The following NLRC3 variants were observed in gnomAD, a reference collection of about 807,000 sequenced individuals.
The protein encoded by NLRC3 is NLR family CARD domain containing 3.
Under a neutral mutation model 91.6 loss-of-function variants are expected in NLRC3, and 87 were observed. The ratio of observed to expected loss-of-function variants is 0.95; its 90% CI spans 0.80 to 1.14. NLRC3 has a LOEUF of 1.14. Ranked by LOEUF, NLRC3 falls within the 50% of genes most tolerant of loss-of-function variation. The pLI, the probability that NLRC3 is intolerant of heterozygous loss-of-function variation, is 0.00. For missense variants in NLRC3, 1,577 were observed against 1,418.6 expected, an observed-to-expected ratio of 1.11 and a Z score of -1.79; for synonymous variants, 694 against 625.3, an observed-to-expected ratio of 1.11 and a Z score of -1.64.
chr16:3,564,700 C>T lies in NLRC3; in HGVS notation c.237G>A (p.Glu79=). The change falls in exon 5 of 20, where the codon GAG becomes GAA. Residue 79 remains glutamate (E), a synonymous_variant. Transcript: ENST00000359128. The surrounding 1 kb of genome is among the most constrained non-coding windows in gnomAD (Gnocchi z 5.9). ...ALLSKVGGGP[E]LGGPWHRLAS... ...CCAGCCTGTGCCAGGGTCCGCCCAG[C>T]TCCGGGCCACCTCCCACCTTGCTCA... is the stretch of plus-strand genomic sequence containing the variant. 6.3e-7 allele frequency: 1 copy of T among 1,598,520 alleles called. No homozygotes were observed. Among genetic ancestry groups the T allele is most frequent in the Non-Finnish European group, 8.5e-7 (1 of 1,177,788 alleles).
chr16:3,541,786 G>C lies in NLRC3; in HGVS notation c.*39C>G, dbSNP rs2038406896. Reference sequence around the variant, plus strand: ...CGGCCTTTCTGTTCAAAAGCTTCCAGCTGAGCATCTGCCCATTCTCCTGAT... The same window carrying C: ...CGGCCTTTCTGTTCAAAAGCTTCCACCTGAGCATCTGCCCATTCTCCTGAT... On this transcript the variant is annotated 3_prime_UTR_variant, in exon 20 of 20. Coordinates refer to ENST00000359128, the MANE Select transcript of NLRC3 (RefSeq NM_178844.4). 2 of 1,396,914 alleles carry C rather than the reference G, an allele frequency of 1.4e-6. No homozygotes were observed. The highest frequency in any genetic ancestry group is 2.0e-6 in the Non-Finnish European group (2 of 989,990). 86.5% of individuals were successfully genotyped at this position (1,396,914 alleles called of 1,614,324 possible).
At position 3,577,381 on chromosome 16, in the gene NLRC3, C is replaced by T; in HGVS notation, c.-401G>A. 1.7e-6 allele frequency: 1 copy of T among 574,102 alleles called. No homozygotes were observed. The highest frequency in any genetic ancestry group is 3.2e-5 in the Admixed American group (1 of 31,730). The allele number at this position is 574,102 out of a possible 1,614,324, so 35.6% of individuals were successfully genotyped here. A position where few individuals can be genotyped will look rare whatever the true frequency, so the allele number is the denominator to read the frequency against. ...CCGACCTTCTGCAGCCCCACCGAGC[C>T]CACCGGCTGTCCCTGTGGCTCCGGG... On this transcript the variant is annotated 5_prime_UTR_variant, in exon 1 of 20. Transcript: ENST00000359128.
At chr16:3,576,897 T>G (rs1423665797) in intron 1 of NLRC3, among the ~76,000 whole-genome samples, 2 of 152,206 alleles carry the variant, frequency 1.3e-5, no homozygotes, top group African/African-American at 4.8e-5. Context: ...CTCAAAGTCC[T>G]GACCTCAAGT....
At chr16:3,574,915 T>G (rs1282699605) in intron 1 of NLRC3, among the ~76,000 whole-genome samples, 1 of 152,068 alleles carries the variant, frequency 6.6e-6, no homozygotes, top group Non-Finnish European at 1.5e-5. Context: ...TGAGCCAAGA[T>G]CACGCCACTG....
chr16:3,549,930 C>A lies in NLRC3; in HGVS notation c.2436-150G>T, dbSNP rs916322233. On this transcript the variant is annotated intron_variant, in intron 11 of 19. Transcript: ENST00000359128. ...CCACACTGCTTCTCTTCTCATCTCT[C>A]TTTCCTCTCCCAGCCCCCCACCTTC... The A allele has an allele frequency of 2.3e-5, 14 of 605,900 alleles. No individual in the cohort carries two copies. In the Admixed American group the frequency reaches 3.5e-4, roughly 15 times the overall value. 37.5% of individuals were successfully genotyped at this position (605,900 alleles called of 1,614,324 possible).
intron 10 of NLRC3, among the ~76,000 whole-genome samples, chr16:3,551,825 A>G (rs988921048): frequency 6.6e-6 from 1 of 150,694 alleles, no homozygotes; most frequent in African/African-American, 2.4e-5. Flanking sequence ...CCATCCATCC[A>G]TCCATCCATC....
At chr16:3,576,784 TCC>T (rs1306839520) in intron 1 of NLRC3, among the ~76,000 whole-genome samples, 53 of 152,308 alleles carry the variant, frequency 3.5e-4, no homozygotes, top group Non-Finnish European at 6.0e-4. Context: ...TGCCTCAGCC[TCC>T]CGACTAGCTG....
intron 8 of NLRC3, among the ~76,000 whole-genome samples, chr16:3,554,655 C>T (rs1427245075): frequency 6.6e-6 from 1 of 152,218 alleles, no homozygotes; most frequent in Non-Finnish European, 1.5e-5. Context: ...CTGCAACCCT[C>T]ACGCTGCTGG....
At position 3,541,867 on chromosome 16, in the gene NLRC3, C is replaced by G; in HGVS notation, c.3156G>C (p.Glu1052Asp). The G allele has an allele frequency of 2.5e-6, 4 of 1,613,038 alleles. No individual in the cohort carries two copies. The highest frequency in any genetic ancestry group is 3.4e-6 in the Non-Finnish European group (4 of 1,179,404). Residue 1052 changes from glutamate to aspartate, a missense_variant, in exon 20 of 20, where the codon GAG becomes GAC. Physicochemically the swap from Glu to Asp is conservative, Grantham distance 45 (BLOSUM62 2). Coordinates refer to ENST00000359128, the MANE Select transcript of NLRC3 (RefSeq NM_178844.4). The stretch of plus-strand genomic sequence containing the variant: ...ACGTGGGAGCATTTGTCTTGATGGC[C>G]TCTGAGATCATCCTGGCCCCGGAGT... ...IGDSGARMIS[E>D]AIKTNAPTCT...
chr16:3,555,112 C>T (rs1254441223), intron 8 of NLRC3, among the ~76,000 whole-genome samples: 1 of 151,922 alleles, frequency 6.6e-6, no homozygotes, highest in Non-Finnish European at 1.5e-5. Context: ...TGCCTGTAAT[C>T]CCAGCTACTC....
In NLRC3 at chr16:3,541,713, G is replaced by C. The variant is rs193153545; in HGVS notation, c.*112C>G. On this transcript the variant is annotated 3_prime_UTR_variant, in exon 20 of 20. Transcript: ENST00000359128. ...TTCCTCCCTGCAGAGCCCGGCTCTC[G>C]TGCTGAGCAAGCAGCGTTCCCAGCT... The C allele has an allele frequency of 1.3e-5, 9 of 719,890 alleles. 1 individual carries two copies. The highest frequency in any genetic ancestry group is 3.7e-4 in the Middle Eastern group (1 of 2,724). 44.6% of individuals were successfully genotyped at this position (719,890 alleles called of 1,614,324 possible).
rs1475327011 is a variant in NLRC3, at chr16:3,563,021, C to T, written c.1916G>A (p.Cys639Tyr). 1.3e-6 allele frequency: 2 copies of T among 1,553,658 alleles called. No individual in the cohort carries two copies. Among genetic ancestry groups the T allele is most frequent in the South Asian group, 1.2e-5 (1 of 84,280 alleles). The change falls in exon 5 of 20, where the codon TGC becomes TAC. Residue 639 changes from cysteine to tyrosine, a missense_variant. By Grantham distance (194) the Cys-to-Tyr change is radical (BLOSUM62 -2). Coordinates refer to ENST00000359128, the MANE Select transcript of NLRC3 (RefSeq NM_178844.4). ...CCCTGGTATCCACCTGAGCTTCCGG[C>T]AGTAGAGCAGCTGGGGCAGCAGGCT... ...LQSLLPQLLY[C>Y]RKLRLDTNQF...
rs751861718 is a variant in NLRC3 at position 3,563,770 on chromosome 16, C to A, written c.1167G>T (p.Val389=). 8 of 1,613,084 alleles carry A rather than the reference C, an allele frequency of 5.0e-6. No individual in the cohort carries two copies. The highest frequency in any genetic ancestry group is 1.3e-5 in the African/African-American group (1 of 74,940). ...CCACCATCTTGCGGCCACCATGGGC[C>A]ACCTGCTCGATGCGAGGGCTTGCCT... ...KGKASPRIEQ[V]AHGGRKMVGT... The change falls in exon 5 of 20, where the codon GTG becomes GTT. Residue 389 remains valine (V), a synonymous_variant. Transcript: ENST00000359128.
chr16:3,549,102 G>T (rs1404456504), intron 13 of NLRC3, 40 bp downstream of exon 13: 1 of 1,425,172 alleles, frequency 7.0e-7, no homozygotes, highest in Admixed American at 2.0e-5. Context: ...TGTGGTCATG[G>T]CATGAACAGC....
At position 3,544,158 on chromosome 16, in the gene NLRC3, CG is replaced by C; in HGVS notation, c.2855+87del. On this transcript the variant is annotated intron_variant, in intron 16 of 19. Transcript: ENST00000359128. ...GGGTGGCAGAGCAAGACTCTTGTCT[CG>C]AGGAAAAAAAAAAAAAAAAAGACCT... The C allele has an allele frequency of 6.4e-6, 5 of 779,272 alleles. No individual in the cohort carries two copies. The African/African-American group carries it at 7.9e-5, about 12-fold the overall frequency. 48.3% of individuals were successfully genotyped at this position (779,272 alleles called of 1,614,324 possible). A position where few individuals can be genotyped will look rare whatever the true frequency, so the allele number is the denominator to read the frequency against.
At chr16:3,554,823 A>G (rs1337129425) in intron 8 of NLRC3, among the ~76,000 whole-genome samples, 1 of 152,344 alleles carries the variant, frequency 6.6e-6, no homozygotes, top group East Asian at 1.9e-4. Context: ...CAATGTTCAC[A>G]GCAACGATAT....
chr16:3,542,435 A>C (rs930700859), intron 18 of NLRC3, among the ~76,000 whole-genome samples, 161 bp from the exon 19 acceptor site: 1 of 152,228 alleles, frequency 6.6e-6, no homozygotes, highest in Non-Finnish European at 1.5e-5. Context: ...ACAGGTGTCT[A>C]CGAGTGGCCA....
rs2039058154 is a variant in NLRC3, at chr16:3,552,279, G to C, written c.2268C>G (p.His756Gln). 11 of 1,610,820 alleles carry C rather than the reference G, an allele frequency of 6.8e-6. No homozygotes were observed. The highest frequency in any genetic ancestry group is 9.3e-6 in the Non-Finnish European group (11 of 1,177,184). The change falls in exon 10 of 20, where the codon CAC (histidine) becomes CAG (glutamine). Residue 756 changes from histidine to glutamine, a missense_variant and splice_region_variant. Transcript: ENST00000359128. The part of the protein sequence containing the change: ...LASNRTLSML[H>Q]LQKNSIGPMG... ...TGGGCCCGATGCTGTTCTTCTGCAG[G>C]CTGTGGGAGAAAAGAGAGGGGTCCT... is the stretch of plus-strand genomic sequence containing the variant.
chr16:3,544,335 C>T lies in NLRC3; in HGVS notation c.2772-6G>A, dbSNP rs2038572615. On this transcript the variant is annotated splice_polypyrimidine_tract_variant and splice_region_variant and intron_variant, in intron 15 of 19. Coordinates refer to ENST00000359128, the MANE Select transcript of NLRC3 (RefSeq NM_178844.4). ...CGATGGCGTTCTCCTGTAAACTAGA[C>T]ACAGAGTATGACCCCTTTGGGTGCA... 4 of 1,606,758 alleles carry T rather than the reference C, an allele frequency of 2.5e-6. No homozygotes were observed. The East Asian group carries it at 6.7e-5, about 27-fold the overall frequency.
Sources: gnomAD v4.1 joint callset for allele counts (sites outside exome capture counted in the v4.1 genomes callset) on GRCh38, gnomAD v4.1.1 for gene constraint, Gnocchi (gnomAD v3.1) non-coding constraint, MANE v1.5 for transcripts, NCBI Gene and HGNC (gene_info 2026-07-23, HGNC 2026-07-21) for gene names.